The following MYO1C variants were observed in gnomAD, a reference collection of about 807,000 sequenced individuals.
MYO1C encodes myosin IC.
MYO1C carries 104 observed loss-of-function variants against 150.8 expected under a neutral mutation model. The ratio of observed to expected loss-of-function variants is 0.69; its 90% CI spans 0.59 to 0.81. The LOEUF is 0.81. Among genes scored for constraint, MYO1C ranks in the 30% least tolerant of loss-of-function variants. The pLI is 0.00. For missense variants in MYO1C, 1,504 were observed against 1,435.0 expected, an observed-to-expected ratio of 1.05 and a Z score of -0.78; for synonymous variants, 663 against 579.9, an observed-to-expected ratio of 1.14 and a Z score of -2.06.
Position 1,483,160 on chromosome 17 carries a change from A to G in MYO1C, c.348-101T>C, listed in dbSNP as rs1194788298. ...GGGTGGAGTCCTCTTGTGGGAGTCG[A>G]ATACACCCTTGAGGATGGGGACTGG... On this transcript the variant is annotated intron_variant, in intron 3 of 31. Transcript: ENST00000648651. 2.5e-6 allele frequency: 3 copies of G among 1,198,102 alleles called. No individual in the cohort carries two copies. The African/African-American group carries it at 4.5e-5, about 18-fold the overall frequency. 74.2% of individuals were successfully genotyped at this position (1,198,102 alleles called of 1,614,324 possible).
At chr17:1,485,377 C>T (rs2074630922) in intron 1 of MYO1C, 3 of 164,484 alleles carry the variant, frequency 1.8e-5, no homozygotes, top group South Asian at 3.2e-4. Context: ...CCTGCCCCTC[C>T]CAGGCTTGTC....
chr17:1,483,567 T>A, intron 3 of MYO1C, 43 bp downstream of exon 3: 1 of 1,443,096 alleles, frequency 6.9e-7, no homozygotes, highest in African/African-American at 1.4e-5. Context: ...TCACCTCAGA[T>A]GGAGACAGAG....
chr17:1,480,455 T>TTA lies in MYO1C; in HGVS notation c.906+71_906+72insTA, dbSNP rs1555521812. On this transcript the variant is annotated intron_variant, in intron 7 of 31. Transcript: ENST00000648651. ...AAGAATGAAACTCCGTCTCAAAAAATAAAAAACAAAAAAAAAAGGAGATTT... is the reference window on the plus strand; with the variant it reads ...AAGAATGAAACTCCGTCTCAAAAAATTAAAAAAACAAAAAAAAAAGGAGATTT... 3,206 of 1,362,252 alleles carry TTA rather than the reference T, an allele frequency of 2.4e-3. 19 individuals carry two copies. The African/African-American group carries it at 0.024, about 10-fold the overall frequency. 84.4% of individuals were successfully genotyped at this position (1,362,252 alleles called of 1,614,324 possible).
chr17:1,468,368 C>T (rs770220840), intron 26 of MYO1C, 35 bp downstream of exon 26: 15 of 1,613,376 alleles, frequency 9.3e-6, no homozygotes, highest in Middle Eastern at 1.6e-4. Flanking sequence ...AGGATGGTGA[C>T]GAAAGGTCTG....
chr17:1,467,169 C>T (rs2074190487), intron 31 of MYO1C, 73 bp downstream of exon 31: 5 of 1,427,234 alleles, frequency 3.5e-6, no homozygotes, highest in Non-Finnish European at 4.8e-6. Context: ...GGTGCCTGGG[C>T]TCTGCCAAGC....
In MYO1C at chr17:1,471,324, C is replaced by G; in HGVS notation, c.2034G>C (p.Leu678=). The part of the protein sequence containing the change: ...YEAFLQRYKS[L]CPETWPTWAG... Reference sequence around the variant, plus strand: ...CCCACGTGGGCCACGTCTCTGGGCACAGTGACTTGTACCTGGGGACAGGAA... The same window carrying G: ...CCCACGTGGGCCACGTCTCTGGGCAGAGTGACTTGTACCTGGGGACAGGAA... The change falls in exon 20 of 32, where the codon CTG becomes CTC. Residue 678 remains leucine (L), a synonymous_variant. Transcript: ENST00000648651. 6.2e-7 allele frequency: 1 copy of G among 1,613,874 alleles called. No individual in the cohort carries two copies. The highest frequency in any genetic ancestry group is 8.5e-7 in the Non-Finnish European group (1 of 1,179,978).
At position 1,470,225 on chromosome 17, in the gene MYO1C, G is replaced by C. The variant is rs373290454; in HGVS notation, c.2476C>G (p.Gln826Glu). 51 of 1,610,772 alleles carry C rather than the reference G, an allele frequency of 3.2e-5. No individual in the cohort carries two copies. Among genetic ancestry groups the C allele is most frequent in the Non-Finnish European group, 4.2e-5 (49 of 1,179,062 alleles). ...FLLNLRRQLP[Q>E]NVLDTSWPTP... ...GGCCACGAGGTGTCCAGGACATTCTGGGGCAGCTGCCGCCTCAGGTTTAGC... is the reference window on the plus strand; with the variant it reads ...GGCCACGAGGTGTCCAGGACATTCTCGGGCAGCTGCCGCCTCAGGTTTAGC... Residue 826 changes from glutamine (Q) to glutamate (E), a missense_variant, in exon 24 of 32, where the codon CAG (glutamine) becomes GAG (glutamate). Physicochemically the swap from Gln to Glu is conservative, Grantham distance 29 (BLOSUM62 2). Coordinates refer to ENST00000648651, the MANE Select transcript of MYO1C (RefSeq NM_001080779.2).
chr17:1,474,645 G>T lies in MYO1C; in HGVS notation c.1762C>A (p.Arg588=). The T allele has an allele frequency of 1.2e-6, 2 of 1,613,966 alleles. No homozygotes were observed. The highest frequency in any genetic ancestry group is 1.7e-6 in the Non-Finnish European group (2 of 1,179,944). ...CGCTTCTTGTCACTGAGCTCGCTCC[G>T]GTCAAAGCACTGGCTCATAATGGGA... ...KNPIMSQCFD[R]SELSDKKRPE... is the part of the protein sequence containing the mutation. The change falls in exon 17 of 32, where the codon CGG becomes AGG. Residue 588 remains arginine, a synonymous_variant. Transcript: ENST00000648651.
intron 31 of MYO1C, among the ~76,000 whole-genome samples, chr17:1,466,371 C>T (rs1207496320): frequency 1.3e-5 from 2 of 151,926 alleles, no homozygotes; most frequent in African/African-American, 2.4e-5. Flanking sequence ...GCTCTTGTTG[C>T]CCAGGGTAGA....
intron 25 of MYO1C, chr17:1,469,119 G>C (rs1598321627): frequency 3.0e-6 from 1 of 328,416 alleles, no homozygotes; most frequent in Non-Finnish European, 6.0e-6. Context: ...CGGTAGACTA[G>C]GGTAAATAGA....
Position 1,467,882 on chromosome 17 carries a change from ACTGT to A in MYO1C, c.2921_2924del (p.Asp974ValfsTer25), listed in dbSNP as rs1243955191. 1 of 1,610,750 alleles carries A rather than the reference ACTGT, an allele frequency of 6.2e-7. No homozygotes were observed. Among genetic ancestry groups the A allele is most frequent in the South Asian group, 1.1e-5 (1 of 90,848 alleles). ...CACGCTGTACATGAAGCACAAAAAG[ACTGT>A]CGCTCAGGCTGCTGACAGAGATTCC... On this transcript the variant is annotated frameshift_variant, in exon 29 of 32. Coordinates refer to ENST00000648651, the MANE Select transcript of MYO1C (RefSeq NM_001080779.2). LOFTEE classifies it high-confidence loss of function.
chr17:1,480,711 C>T lies in MYO1C; in HGVS notation c.802G>A (p.Val268Met), dbSNP rs2074502446. ...CCTCCCTGCCAGCCACTCACCTTCACCAGGTACAGGTAGCTCTGGGGGTTC... is the reference window on the plus strand; with the variant it reads ...CCTCCCTGCCAGCCACTCACCTTCATCAGGTACAGGTAGCTCTGGGGGTTC... Reference protein sequence around the residue: ...ERNPQSYLYLVKGQCAKVSSI... With the variant: ...ERNPQSYLYLMKGQCAKVSSI... The change falls in exon 6 of 32, where the codon GTG becomes ATG. Residue 268 changes from valine to methionine, a missense_variant. Val to Met is a conservative substitution (Grantham distance 21, BLOSUM62 1). Transcript: ENST00000648651. 1 of 1,614,174 alleles carries T rather than the reference C, an allele frequency of 6.2e-7. No homozygotes were observed. Among genetic ancestry groups the T allele is most frequent in the Non-Finnish European group, 8.5e-7 (1 of 1,180,014 alleles).
At chr17:1,472,053 G>T (rs377743714) in intron 18 of MYO1C, 29 bp from the exon 19 acceptor site, 49 of 1,610,590 alleles carry the variant, frequency 3.0e-5, no homozygotes, top group Non-Finnish European at 4.1e-5. Flanking sequence ...CGTGGTCAGC[G>T]GGCTGGCGCT....
chr17:1,472,280 G>A, intron 17 of MYO1C, 52 bp from the exon 18 acceptor site: 1 of 1,523,902 alleles, frequency 6.6e-7, no homozygotes, highest in Non-Finnish European at 9.1e-7. Context: ...TAAAGCTGCT[G>A]ACCCCAGCAG....
chr17:1,469,806 G>A (rs767853723), intron 24 of MYO1C, among the ~76,000 whole-genome samples, 192 bp from the exon 25 acceptor site: 59 of 151,082 alleles, frequency 3.9e-4, no homozygotes, highest in Non-Finnish European at 6.6e-4. Flanking sequence ...AGGCCAAGGT[G>A]GGTGGATCAC....
chr17:1,474,947 T>C lies in MYO1C; in HGVS notation c.1660A>G (p.Ser554Gly). 1 of 1,593,562 alleles carries C rather than the reference T, an allele frequency of 6.3e-7. No homozygotes were observed. Among genetic ancestry groups the C allele is most frequent in the Non-Finnish European group, 8.6e-7 (1 of 1,169,502 alleles). The change falls in exon 15 of 32, where the codon AGC (serine) becomes GGC (glycine). Residue 554 changes from serine to glycine, a missense_variant. Physicochemically the swap from Ser to Gly is moderately conservative, Grantham distance 56 (BLOSUM62 0). Transcript: ENST00000648651. ...GCCCCAGGATCCTCACCGGTCACGC[T>C]GTAGGTCACCTCCCCCGCATAGTGC... ...LLHYAGEVTY[S>G]VTGFLDKNND...
At position 1,472,032 on chromosome 17, in the gene MYO1C, A is replaced by G. The variant is rs1567519235; in HGVS notation, c.1904-8T>C. The G allele has an allele frequency of 6.2e-7, 1 of 1,613,848 alleles. No individual in the cohort carries two copies. Among genetic ancestry groups the G allele is most frequent in the Non-Finnish European group, 8.5e-7 (1 of 1,179,864 alleles). ...GCACCTCGTCAAAGCGGCCTGGGGT[A>G]GGGGGAGCGCCGTGGTCAGCGGGCT... is the stretch of plus-strand genomic sequence containing the variant. On this transcript the variant is annotated splice_polypyrimidine_tract_variant and splice_region_variant and intron_variant, in intron 18 of 31. Transcript: ENST00000648651.
At chr17:1,481,200 C>T (rs1175535246) in intron 5 of MYO1C, 2 of 402,772 alleles carry the variant, frequency 5.0e-6, no homozygotes, top group Non-Finnish European at 9.3e-6. Context: ...GTCTGCCCTC[C>T]TTGGTCAGTG....
intron 17 of MYO1C, among the ~76,000 whole-genome samples, chr17:1,472,619 C>T (rs1422472204): frequency 6.6e-6 from 1 of 152,216 alleles, no homozygotes; most frequent in Non-Finnish European, 1.5e-5. Flanking sequence ...CTGGAAGGAT[C>T]TCAGGCCTGG....
Sources: gnomAD v4.1 joint callset for allele counts (sites outside exome capture counted in the v4.1 genomes callset) on GRCh38, gnomAD v4.1.1 for gene constraint, MANE v1.5 for transcripts, NCBI Gene and HGNC (gene_info 2026-07-23, HGNC 2026-07-21) for gene names.